GMDS: variants seen among roughly 807,000 people sequenced by gnomAD.
GMDS encodes the protein GDP-mannose 4,6-dehydratase, also known as GDP-mannose 4,6 dehydratase.
A neutral mutation model predicts 49.9 loss-of-function variants in GMDS; 20 were observed. The ratio of observed to expected loss-of-function variants is 0.40; its 90% CI spans 0.28 to 0.58. The LOEUF (loss-of-function observed/expected upper bound fraction) is 0.58. Among genes scored for constraint, GMDS ranks in the 20% least tolerant of loss-of-function variants. GMDS has a pLI of 0.42. For missense variants in GMDS, 362 were observed against 481.4 expected, an observed-to-expected ratio of 0.75 and a Z score of 2.32; for synonymous variants, 177 against 178.6, an observed-to-expected ratio of 0.99 and a Z score of 0.07.
intron 4 of GMDS, among the ~76,000 whole-genome samples, chr6:2,058,648 G>A (rs1770923033): frequency 6.6e-6 from 1 of 152,166 alleles, no homozygotes; most frequent in South Asian, 2.1e-4. Context: ...TGGGAGCAAT[G>A]TGTGGAATAG....
intron 8 of GMDS, among the ~76,000 whole-genome samples, chr6:1,736,936 C>G (rs113330870): frequency 1.1e-3 from 173 of 152,288 alleles, no homozygotes; most frequent in African/African-American, 4.1e-3. Flanking sequence ...GGATCCACCC[C>G]CTGGAACCTG....
At chr6:1,849,777 C>T (rs1390125539) in intron 7 of GMDS, among the ~76,000 whole-genome samples, 3 of 152,042 alleles carry the variant, frequency 2.0e-5, no homozygotes, top group East Asian at 1.9e-4. Flanking sequence ...CAGAACAGAC[C>T]GAAGCTCTTT....
chr6:2,005,241 C>T (rs1344695165), intron 4 of GMDS, among the ~76,000 whole-genome samples: 1 of 152,096 alleles, frequency 6.6e-6, no homozygotes, highest in Admixed American at 6.6e-5. Flanking sequence ...TTTTAAATTA[C>T]CTCAAAATAC....
At chr6:1,660,049 C>T (rs1764018321) in intron 9 of GMDS, among the ~76,000 whole-genome samples, 1 of 152,024 alleles carries the variant, frequency 6.6e-6, no homozygotes, top group Admixed American at 6.5e-5. Flanking sequence ...CACGTGGCTC[C>T]CCAGCCGCGG....
intron 7 of GMDS, among the ~76,000 whole-genome samples, chr6:1,857,999 T>C (rs1758014411): frequency 6.6e-6 from 1 of 152,198 alleles, no homozygotes; most frequent in African/African-American, 2.4e-5. Context: ...GGAAAGCGCA[T>C]ATATTTATGA....
chr6:2,212,659 T>A (rs777663517), intron 1 of GMDS, among the ~76,000 whole-genome samples: 42 of 151,506 alleles, frequency 2.8e-4, no homozygotes, highest in Non-Finnish European at 4.6e-4. Flanking sequence ...AGGACCTGCT[T>A]TCTTTAATTA....
chr6:1,997,746 G>A (rs749500158), intron 4 of GMDS, among the ~76,000 whole-genome samples: 1 of 152,002 alleles, frequency 6.6e-6, no homozygotes, highest in African/African-American at 2.4e-5. Flanking sequence ...GAGACCCCTG[G>A]GAGACAGCAA....
chr6:1,973,377 A>T (rs1315514251), intron 4 of GMDS, among the ~76,000 whole-genome samples: 1 of 152,208 alleles, frequency 6.6e-6, no homozygotes, highest in Non-Finnish European at 1.5e-5. Context: ...ATGAGTTAAC[A>T]TCCCCAAGCT....
intron 4 of GMDS, among the ~76,000 whole-genome samples, chr6:2,056,988 G>T (rs1302017591): frequency 6.6e-6 from 1 of 152,122 alleles, no homozygotes; most frequent in Non-Finnish European, 1.5e-5. Context: ...CAGCATTACT[G>T]CCCATTTAAT....
At chr6:2,023,661 G>T (rs539546504) in intron 4 of GMDS, among the ~76,000 whole-genome samples, 2 of 152,350 alleles carry the variant, frequency 1.3e-5, no homozygotes, top group South Asian at 4.1e-4. Context: ...AGGTAGATTT[G>T]AAGTAAGCAC....
chr6:1,824,163 C>T (rs140107382), intron 7 of GMDS, among the ~76,000 whole-genome samples: 8 of 152,226 alleles, frequency 5.3e-5, no homozygotes, highest in East Asian at 1.9e-4. Context: ...CCCTTTAGCC[C>T]GGGACCCTTG....
chr6:2,085,321 G>C (rs1209832327), intron 4 of GMDS, among the ~76,000 whole-genome samples: 3 of 151,768 alleles, frequency 2.0e-5, no homozygotes, highest in Non-Finnish European at 4.4e-5. Flanking sequence ...TGAATCACCT[G>C]TGGCTTTTTA....
intron 7 of GMDS, among the ~76,000 whole-genome samples, chr6:1,792,022 T>C (rs143043556): frequency 3.9e-5 from 6 of 152,336 alleles, no homozygotes; most frequent in South Asian, 4.1e-4. Flanking sequence ...AGGAATTAAC[T>C]ACTGACTTAT....
At chr6:2,129,566 C>T (rs933725119) in intron 1 of GMDS, among the ~76,000 whole-genome samples, 1 of 152,190 alleles carries the variant, frequency 6.6e-6, no homozygotes, top group Non-Finnish European at 1.5e-5. Context: ...TTTAGATCAT[C>T]TCAGGCATCA....
chr6:1,677,284 G>A (rs1467986911), intron 9 of GMDS, among the ~76,000 whole-genome samples: 1 of 152,122 alleles, frequency 6.6e-6, no homozygotes, highest in Non-Finnish European at 1.5e-5. Context: ...GAAACAACAG[G>A]TCTGGAGAGG....
chr6:1,821,619 T>TG, intron 7 of GMDS, among the ~76,000 whole-genome samples: 1 of 40,448 alleles, frequency 2.5e-5, no homozygotes, highest in East Asian at 6.0e-4. Flanking sequence ...TTGTTTTTTT[T>TG]TTTTTTTTTT....
intron 1 of GMDS, among the ~76,000 whole-genome samples, chr6:2,178,765 T>C (rs1778395485): frequency 6.6e-6 from 1 of 152,236 alleles, no homozygotes. Context: ...TAAGTCAGGA[T>C]TTAAAAGAAT....
chr6:1,710,457 G>A (rs1765906164), intron 9 of GMDS, among the ~76,000 whole-genome samples: 1 of 152,220 alleles, frequency 6.6e-6, no homozygotes, highest in African/African-American at 2.4e-5. Context: ...ACCTGCCGTG[G>A]TATAACCAGG....
chr6:2,230,941 ACC>A (rs56658390), intron 1 of GMDS, among the ~76,000 whole-genome samples: 632 of 18,686 alleles, frequency 0.034, 15 homozygotes, highest in African/African-American at 0.091. Context: ...CCCCCCTCCC[ACC>A]CCCCCCCCCC....
Sources: gnomAD v4.1 joint callset for allele counts (sites outside exome capture counted in the v4.1 genomes callset) on GRCh38, gnomAD v4.1.1 for gene constraint, MANE v1.5 for transcripts, NCBI Gene and HGNC (gene_info 2026-07-23, HGNC 2026-07-21) for gene names.